PHF24: variants seen among roughly 807,000 people sequenced by gnomAD.
The protein encoded by PHF24 is Galpha inhibitory interacting protein.
In PHF24, 25 loss-of-function variants were observed where a neutral mutation model predicts 42.6. The observed-to-expected ratio is 0.59, with a 90% CI of 0.43 to 0.82. The LOEUF (loss-of-function observed/expected upper bound fraction) is 0.82, where lower values mean the gene tolerates loss of function less well. Ranked by LOEUF, PHF24 falls within the 40% of genes least tolerant of loss-of-function variation. The pLI is 0.00. For missense variants in PHF24, 470 were observed against 538.1 expected (o/e 0.87, Z 1.25); for synonymous variants, 185 against 204.8 (o/e 0.90, Z 0.83).
At chr9:34,762,405 G>A in the PHF24 span, among the ~76,000 whole-genome samples, 10 of 151,572 alleles carry the variant, frequency 6.6e-5, no homozygotes, top group African/African-American at 2.4e-4. Flanking sequence ...GGTGTGAGAT[G>A]GTAGCTCATT....
At chr9:34,669,327 A>G in the PHF24 span, among the ~76,000 whole-genome samples, 1 of 151,954 alleles carries the variant, frequency 6.6e-6, no homozygotes, top group Non-Finnish European at 1.5e-5. Context: ...AGACCTGCAC[A>G]TTGATCCCTG....
the PHF24 span, chr9:34,917,447 A>G: frequency 1.3e-6 from 1 of 768,282 alleles, no homozygotes; most frequent in Admixed American, 1.7e-5. Flanking sequence ...CCCTTTCCGT[A>G]AGGATCCTAA....
At chr9:34,967,675 C>T (rs1347275740) in intron 1 of PHF24, among the ~76,000 whole-genome samples, 2 of 152,144 alleles carry the variant, frequency 1.3e-5, no homozygotes, top group African/African-American at 4.8e-5. Context: ...ACGCTGTTGC[C>T]CATGAGGCAT....
chr9:34,709,938 A>T, the PHF24 span: 1 of 1,614,148 alleles, frequency 6.2e-7, no homozygotes, highest in Non-Finnish European at 8.5e-7. Flanking sequence ...GCTGCTGGCA[A>T]GCTCCTATCC....
At chr9:34,957,429 A>G (rs1362178271), upstream of PHF24, among the ~76,000 whole-genome samples, 2 of 152,216 alleles carry the variant, frequency 1.3e-5, no homozygotes, top group African/African-American at 4.8e-5. Flanking sequence ...TTACGATTTT[A>G]TCTTTTTCTT....
At chr9:34,717,794 C>G in the PHF24 span, among the ~76,000 whole-genome samples, 38 of 152,180 alleles carry the variant, frequency 2.5e-4, no homozygotes, top group Middle Eastern at 3.4e-3. Flanking sequence ...TGTGTGCAAA[C>G]CTGTCTTTGT....
chr9:34,933,213 G>A, the PHF24 span, among the ~76,000 whole-genome samples: 8 of 152,096 alleles, frequency 5.3e-5, no homozygotes, highest in Non-Finnish European at 1.2e-4. Context: ...TGCTGAACAA[G>A]TGAATAAACA....
At chr9:34,702,338 G>A in the PHF24 span, among the ~76,000 whole-genome samples, 1 of 152,324 alleles carries the variant, frequency 6.6e-6, no homozygotes, top group African/African-American at 2.4e-5. Flanking sequence ...CCTCCCAGCA[G>A]GCGGAGGCTC....
At chr9:34,857,312 A>AGAATTCCTGTCTTGCTG in the PHF24 span, among the ~76,000 whole-genome samples, 2 of 152,218 alleles carry the variant, frequency 1.3e-5, no homozygotes, top group Admixed American at 6.5e-5. Context: ...GTGCACGGAC[A>AGAATTCCTGTCTTGCTG]GAATTCCTGT....
chr9:34,668,379 C>T, the PHF24 span, among the ~76,000 whole-genome samples: 1 of 152,190 alleles, frequency 6.6e-6, no homozygotes, highest in Non-Finnish European at 1.5e-5. Flanking sequence ...ATCTACATCA[C>T]ACAGGTGCAC....
the PHF24 span, among the ~76,000 whole-genome samples, chr9:34,951,022 T>C: frequency 1.1e-4 from 17 of 152,338 alleles, no homozygotes; most frequent in East Asian, 3.3e-3. Flanking sequence ...GGGCAGATAT[T>C]AAAGGGATAA....
chr9:34,870,218 A>G, the PHF24 span, among the ~76,000 whole-genome samples: 1 of 152,132 alleles, frequency 6.6e-6, no homozygotes, highest in East Asian at 1.9e-4. Context: ...ACACATCATT[A>G]TCACCCAAAG....
At chr9:34,691,506 T>C in the PHF24 span, among the ~76,000 whole-genome samples, 1 of 152,186 alleles carries the variant, frequency 6.6e-6, no homozygotes, top group African/African-American at 2.4e-5. Context: ...GTGCACTGTT[T>C]CTCCAGAGAG....
the PHF24 span, among the ~76,000 whole-genome samples, chr9:34,780,108 T>C: frequency 6.6e-6 from 1 of 151,922 alleles, no homozygotes; most frequent in South Asian, 2.1e-4. Flanking sequence ...TGGATCTCCA[T>C]AGGCAAAAGA....
At chr9:34,702,609 CAAGGTCATACAATTCCCCTTA>C in the PHF24 span, among the ~76,000 whole-genome samples, 1 of 152,168 alleles carries the variant, frequency 6.6e-6, no homozygotes, top group South Asian at 2.1e-4. Context: ...ACCAAGGTCA[CAAGGTCATACAATTCCCCTTA>C]AAGTAGGCAC....
the PHF24 span, among the ~76,000 whole-genome samples, chr9:34,690,697 G>A: frequency 6.6e-6 from 1 of 152,090 alleles, no homozygotes; most frequent in East Asian, 1.9e-4. Flanking sequence ...GGAGGGGCGT[G>A]GGGTAGGGTA....
At chr9:34,711,191 T>C in the PHF24 span, among the ~76,000 whole-genome samples, 1 of 152,194 alleles carries the variant, frequency 6.6e-6, no homozygotes, top group Non-Finnish European at 1.5e-5. Flanking sequence ...GCATTTTCCT[T>C]TTAAATTATA....
At chr9:34,673,667 G>C in the PHF24 span, among the ~76,000 whole-genome samples, 1 of 150,422 alleles carries the variant, frequency 6.6e-6, no homozygotes. Context: ...TGTCGCCCAG[G>C]CTGGAGTGCA....
the PHF24 span, among the ~76,000 whole-genome samples, chr9:34,693,939 T>A: frequency 3.3e-5 from 5 of 152,140 alleles, no homozygotes. Context: ...GTACTATTAA[T>A]GAACTTCCTA....
Sources: gnomAD v4.1 joint callset for allele counts (sites outside exome capture counted in the v4.1 genomes callset) on GRCh38, gnomAD v4.1.1 for gene constraint, MANE v1.5 for transcripts, NCBI Gene and HGNC (gene_info 2026-07-23, HGNC 2026-07-21) for gene names.